NR4A1: variants seen among roughly 807,000 people sequenced by gnomAD.
The protein encoded by NR4A1 is nuclear receptor subfamily 4immunitygroup A member 1.
A neutral mutation model predicts 47.5 loss-of-function variants in NR4A1; 24 were observed. The ratio of observed to expected loss-of-function variants is 0.50; its 90% CI spans 0.37 to 0.71. The LOEUF is 0.71. NR4A1 is among the 30% of genes least tolerant of loss of function. The pLI is 0.00. For synonymous variants in NR4A1, 353 were observed against 345.7 expected (o/e 1.02, Z -0.24); for missense variants, 669 against 788.6 (o/e 0.85, Z 1.82).
At chr12:52,026,609 T>G (rs926940158) in intron 1 of NR4A1, among the ~76,000 whole-genome samples, 1 of 152,212 alleles carries the variant, frequency 6.6e-6, no homozygotes, top group African/African-American at 2.4e-5. Context: ...CAAGGCCACA[T>G]AGATAGACAG....
rs573776199 is a variant in NR4A1 at position 52,055,619 on chromosome 12, T to C, written c.877-411T>C. The C allele has an allele frequency of 4.3e-4, 184 of 425,792 alleles. 1 individual carries two copies. The highest frequency in any genetic ancestry group is 3.6e-3 in the African/African-American group (177 of 49,714). 26.4% of individuals were successfully genotyped at this position (425,792 alleles called of 1,614,324 possible). On this transcript the variant is annotated intron_variant, in intron 2 of 6. Transcript: ENST00000394825. ...GGGTTTGGTTCTTGAGGGCTGGGGG[T>C]GGACTTGGGAACAGGCTGTGTGTTT...
chr12:52,027,078 C>G lies in NR4A1; in HGVS notation c.-84+4139C>G, dbSNP rs576545791. 4.1e-3 allele frequency among the ~76,000 whole-genome samples: 631 copies of G among 152,354 alleles called. 1 individual carries two copies. Among genetic ancestry groups the G allele is most frequent in the African/African-American group, 0.014 (565 of 41,586 alleles). On this transcript the variant is annotated intron_variant, in intron 1 of 7. Transcript: ENST00000360284. Reference sequence around the variant, plus strand: ...TCCAGCCAGAGCTGTGGGCCCCCCACAAATCTCCATAGGGAGACTAGGGAC... The same window carrying G: ...TCCAGCCAGAGCTGTGGGCCCCCCAGAAATCTCCATAGGGAGACTAGGGAC...
chr12:52,039,555 T>C (rs949887651), intron 1 of NR4A1, among the ~76,000 whole-genome samples: 4 of 152,190 alleles, frequency 2.6e-5, no homozygotes, highest in Non-Finnish European at 5.9e-5. Flanking sequence ...GCTCCTGAGC[T>C]GGAATGCTCT....
upstream of NR4A1, among the ~76,000 whole-genome samples, chr12:52,049,889 A>G (rs1269575007): frequency 6.6e-6 from 1 of 151,928 alleles, no homozygotes; most frequent in Non-Finnish European, 1.5e-5. Context: ...AGGGTGTGGG[A>G]AAACTGTGAT....
At chr12:52,036,061 CG>C (rs1938228988) in intron 1 of NR4A1, among the ~76,000 whole-genome samples, 1 of 152,178 alleles carries the variant, frequency 6.6e-6, no homozygotes, top group Non-Finnish European at 1.5e-5. Context: ...CTTGCCTGTA[CG>C]GGGGTATAGG....
chr12:52,029,258 C>T (rs114232588), intron 1 of NR4A1, among the ~76,000 whole-genome samples: 282 of 152,350 alleles, frequency 1.9e-3, no homozygotes, highest in African/African-American at 6.4e-3. Context: ...AATTCCCCTC[C>T]AAACGCCTGC....
chr12:52,034,050 C>T (rs76490840), intron 1 of NR4A1, among the ~76,000 whole-genome samples: 5,073 of 152,280 alleles, frequency 0.033, 268 homozygotes, highest in African/African-American at 0.11. Flanking sequence ...GAGAGTCTGG[C>T]TTATGGTCCT....
intron 1 of NR4A1, among the ~76,000 whole-genome samples, chr12:52,027,651 G>A (rs1012745272): frequency 6.6e-6 from 1 of 152,194 alleles, no homozygotes. Context: ...GGGTGCACGT[G>A]GGGGCTGCAG....
intron 2 of NR4A1, chr12:52,045,543 C>G (rs1044083245): frequency 2.2e-6 from 1 of 452,864 alleles, no homozygotes; most frequent in Non-Finnish European, 4.4e-6. Context: ...TGGAGCCTCT[C>G]CTTTCCATTG....
chr12:52,027,133 G>GAGC (rs1938015379), intron 1 of NR4A1, among the ~76,000 whole-genome samples: 1 of 152,218 alleles, frequency 6.6e-6, no homozygotes, highest in South Asian at 2.1e-4. Flanking sequence ...TGGGAGGTGG[G>GAGC]AGCAGCCCCA....
intron 2 of NR4A1, chr12:52,043,904 G>A: frequency 1.6e-6 from 2 of 1,289,266 alleles, no homozygotes; most frequent in Non-Finnish European, 2.0e-6. Context: ...ATCGTGAGGA[G>A]GAAGCTGGTG....
Position 52,054,432 on chromosome 12 carries a change from T to C in NR4A1, c.104T>C (p.Met35Thr), listed in dbSNP as rs757668700. Residue 35 changes from methionine to threonine, a missense_variant, in exon 2 of 7, where the codon ATG becomes ACG. Physicochemically the swap from Met to Thr is moderately conservative, Grantham distance 81 (BLOSUM62 -1). Coordinates refer to ENST00000394825, the MANE Select transcript of NR4A1 (RefSeq NM_173157.3). ...PLTPEFIKPT[M>T]DLASPEAAPA... The stretch of plus-strand genomic sequence containing the variant: ...ACCCCTGAGTTCATCAAGCCCACCA[T>C]GGACCTGGCCAGCCCCGAGGCAGCC... 2 of 1,613,514 alleles carry C rather than the reference T, an allele frequency of 1.2e-6. No homozygotes were observed. Among genetic ancestry groups the C allele is most frequent in the Non-Finnish European group, 1.7e-6 (2 of 1,179,944 alleles).
intron 1 of NR4A1, chr12:52,038,611 C>G: frequency 1.5e-6 from 1 of 688,708 alleles, no homozygotes; most frequent in South Asian, 1.5e-5. Context: ...AAGGCTTGCT[C>G]CTAGATCTAC....
Position 52,058,832 on chromosome 12 carries a change from TGCGGAC to T in NR4A1, c.1686_1691del (p.Arg563_Thr564del). 1 of 1,613,910 alleles carries T rather than the reference TGCGGAC, an allele frequency of 6.2e-7. No homozygotes were observed. Among genetic ancestry groups the T allele is most frequent in the Non-Finnish European group, 8.5e-7 (1 of 1,179,974 alleles). On this transcript the variant is annotated inframe_deletion, in exon 7 of 7. Transcript: ENST00000394825. ...CGTCTGTTGGGCAAACTGCCCGAGC[TGCGGAC>T]CCTGTGCACCCAGGGCCTGCAGCGC...
At chr12:52,025,558 C>T (rs1002557296) in intron 1 of NR4A1, among the ~76,000 whole-genome samples, 1 of 152,340 alleles carries the variant, frequency 6.6e-6, no homozygotes, top group African/African-American at 2.4e-5. Context: ...CGTTCCGTAT[C>T]GCTAGCGCCC....
chr12:52,042,858 A>T (rs1343135222), intron 2 of NR4A1, among the ~76,000 whole-genome samples: 1 of 152,146 alleles, frequency 6.6e-6, no homozygotes, highest in African/African-American at 2.4e-5. Flanking sequence ...GGGTCATGAG[A>T]TTCCCTTCCT....
chr12:52,037,860 G>A, intron 1 of NR4A1: 2 of 985,414 alleles, frequency 2.0e-6, no homozygotes, highest in Non-Finnish European at 2.4e-6. Context: ...GTGGAGTCAG[G>A]CGGAGCTGGG....
upstream of NR4A1, among the ~76,000 whole-genome samples, chr12:52,051,048 T>C (rs1467000587): frequency 3.3e-5 from 5 of 152,078 alleles, no homozygotes; most frequent in South Asian, 6.2e-4. Context: ...CAGCGCCCCT[T>C]CTCGGGCTCT....
At chr12:52,051,188 TCAAA>T (rs1434433956), upstream of NR4A1, among the ~76,000 whole-genome samples, 1 of 152,078 alleles carries the variant, frequency 6.6e-6, no homozygotes, top group Admixed American at 6.5e-5. Context: ...TATTTATAGA[TCAAA>T]CAATCCGCGC....
Sources: gnomAD v4.1 joint callset for allele counts (sites outside exome capture counted in the v4.1 genomes callset) on GRCh38, gnomAD v4.1.1 for gene constraint, MANE v1.5 for transcripts, NCBI Gene and HGNC (gene_info 2026-07-23, HGNC 2026-07-21) for gene names.